Variants in CPNE4 observed in about 807,000 individuals in gnomAD.
CPNE4 encodes the protein copine 4, also known as copine-4.
A neutral mutation model predicts 67.9 loss-of-function variants in CPNE4; 25 were observed. The ratio of observed to expected loss-of-function variants is 0.37; its 90% CI spans 0.27 to 0.51. The LOEUF is 0.51. Among genes scored for constraint, CPNE4 ranks in the 20% least tolerant of loss-of-function variants. The pLI, the probability that CPNE4 is intolerant of heterozygous loss-of-function variation, is 0.93. For synonymous variants in CPNE4, 242 were observed against 244.9 expected (o/e 0.99, Z 0.11); for missense variants, 464 against 690.8 (o/e 0.67, Z 3.68).
intron 7 of CPNE4, among the ~76,000 whole-genome samples, chr3:131,664,593 G>A (rs1405011233): frequency 6.6e-6 from 1 of 151,992 alleles, no homozygotes; most frequent in Non-Finnish European, 1.5e-5. Flanking sequence ...CAAGAAATAG[G>A]CTTATCAGGA....
intron 7 of CPNE4, among the ~76,000 whole-genome samples, chr3:131,605,840 A>G (rs1010790590): frequency 6.6e-6 from 1 of 152,186 alleles, no homozygotes; most frequent in South Asian, 2.1e-4. Context: ...GTCATTGAAC[A>G]TACCATTCAC....
intron 7 of CPNE4, among the ~76,000 whole-genome samples, chr3:131,666,904 A>G (rs2080277478): frequency 6.6e-6 from 1 of 152,264 alleles, no homozygotes; most frequent in Admixed American, 6.5e-5. Flanking sequence ...TTAAACAAAT[A>G]GAAACAATTG....
At chr3:131,657,185 G>A (rs1158347852) in intron 7 of CPNE4, among the ~76,000 whole-genome samples, 1 of 152,140 alleles carries the variant, frequency 6.6e-6, no homozygotes, top group Non-Finnish European at 1.5e-5. Context: ...TGTATATGAT[G>A]CAATGATTTC....
intron 7 of CPNE4, among the ~76,000 whole-genome samples, chr3:131,608,894 C>T (rs375880329): frequency 2.6e-5 from 4 of 152,198 alleles, no homozygotes; most frequent in East Asian, 1.9e-4. Flanking sequence ...TTCCTTCTCA[C>T]TGTCAGGCTT....
rs1583534877 is a variant in CPNE4, at chr3:131,970,450, T to C, written c.-2+64117A>G. ...GTCTCATTAGCTGCACATTTCCCTC[T>C]TGCATTTTTTTCTTAGAAATTGGTC... On this transcript the variant is annotated intron_variant, in intron 1 of 15. Coordinates refer to ENST00000429747, the MANE Select transcript of CPNE4 (RefSeq NM_130808.3). 3.9e-5 allele frequency among the ~76,000 whole-genome samples: 6 copies of C among 152,244 alleles called. No homozygotes were observed. The South Asian group carries it at 1.2e-3, about 32-fold the overall frequency.
At chr3:132,014,348 A>G (rs2073843840) in intron 1 of CPNE4, among the ~76,000 whole-genome samples, 1 of 150,184 alleles carries the variant, frequency 6.7e-6, no homozygotes, top group African/African-American at 2.5e-5. Flanking sequence ...CCCACTCCTC[A>G]TCTCTCTCTC....
intron 2 of CPNE4, among the ~76,000 whole-genome samples, chr3:131,789,468 T>C (rs1053915282): frequency 1.3e-5 from 2 of 152,206 alleles, no homozygotes; most frequent in African/African-American, 2.4e-5. Context: ...CTACCACTAG[T>C]TGTGAAACCA....
chr3:131,680,253 CTT>C (rs34739453), intron 6 of CPNE4, among the ~76,000 whole-genome samples: 55,211 of 144,044 alleles, frequency 0.38, 12,156 homozygotes, highest in Middle Eastern at 0.52. Flanking sequence ...GCAACCCCTG[CTT>C]TTTTTTTTTT....
chr3:131,580,599 T>C (rs906852112), intron 9 of CPNE4, among the ~76,000 whole-genome samples: 6 of 152,266 alleles, frequency 3.9e-5, no homozygotes, highest in Admixed American at 3.3e-4. Context: ...TTAAATTTAC[T>C]ACTTGTGTGA....
chr3:131,864,515 A>G (rs371724836), intron 2 of CPNE4, among the ~76,000 whole-genome samples: 2 of 151,430 alleles, frequency 1.3e-5, no homozygotes, highest in South Asian at 2.1e-4. Flanking sequence ...TTTGTCTGTT[A>G]TTGGTGTATA....
intron 1 of CPNE4, among the ~76,000 whole-genome samples, chr3:131,975,588 C>T (rs1328459126): frequency 1.3e-5 from 2 of 152,176 alleles, no homozygotes; most frequent in Non-Finnish European, 2.9e-5. Context: ...TCTGCAGGCC[C>T]TGAATGCCTA....
intron 3 of CPNE4, among the ~76,000 whole-genome samples, chr3:131,720,415 G>T (rs1414646650): frequency 2.6e-5 from 4 of 151,328 alleles, no homozygotes; most frequent in Non-Finnish European, 4.4e-5. Context: ...CTCCCGAGTA[G>T]CTGGGACTAC....
chr3:131,671,626 C>A (rs1395881023), intron 6 of CPNE4, among the ~76,000 whole-genome samples: 2 of 152,026 alleles, frequency 1.3e-5, no homozygotes, highest in Non-Finnish European at 2.9e-5. Context: ...ACTCTAGGAG[C>A]ACCTCCCCAT....
chr3:132,004,681 T>G (rs1417643179), intron 1 of CPNE4, among the ~76,000 whole-genome samples: 1 of 151,938 alleles, frequency 6.6e-6, no homozygotes, highest in Non-Finnish European at 1.5e-5. Context: ...TTACAGGAAA[T>G]ATGTTACCCT....
At chr3:131,599,099 C>T (rs939848045) in intron 7 of CPNE4, among the ~76,000 whole-genome samples, 1 of 152,048 alleles carries the variant, frequency 6.6e-6, no homozygotes, top group Non-Finnish European at 1.5e-5. Context: ...ATAATTAGGT[C>T]CACCAATTAT....
At chr3:131,732,787 A>G (rs760277102) in intron 2 of CPNE4, among the ~76,000 whole-genome samples, 1 of 152,350 alleles carries the variant, frequency 6.6e-6, no homozygotes, top group East Asian at 1.9e-4. Flanking sequence ...TCAAGATATT[A>G]CAGAACCTGG....
chr3:131,940,451 T>A (rs114794403), intron 1 of CPNE4, among the ~76,000 whole-genome samples: 2,775 of 152,184 alleles, frequency 0.018, 74 homozygotes, highest in African/African-American at 0.062. Flanking sequence ...ATGTCTTACC[T>A]TTCATGTATA....
At chr3:132,001,688 C>T (rs2073455042) in intron 1 of CPNE4, among the ~76,000 whole-genome samples, 2 of 152,070 alleles carry the variant, frequency 1.3e-5, no homozygotes, top group African/African-American at 2.4e-5. Context: ...ACAATTCTTA[C>T]AGATTCTTCA....
At chr3:131,800,884 T>C (rs983603762) in intron 2 of CPNE4, among the ~76,000 whole-genome samples, 6 of 152,058 alleles carry the variant, frequency 3.9e-5, no homozygotes, top group Admixed American at 3.9e-4. Flanking sequence ...AAGGCTTCAG[T>C]GTGGGTGAAA....
Sources: allele counts gnomAD v4.1 joint callset (sites outside exome capture counted in the v4.1 genomes callset), GRCh38; gene constraint gnomAD v4.1.1; transcripts MANE v1.5; gene names NCBI Gene and HGNC (gene_info 2026-07-23, HGNC 2026-07-21).